Variants in ZFPM2 observed in about 807,000 individuals in gnomAD.
ZFPM2 encodes the protein zinc finger protein, FOG family member 2.
In ZFPM2, 20 loss-of-function variants were observed where a neutral mutation model predicts 98.6. The ratio of observed to expected loss-of-function variants is 0.20; its 90% CI spans 0.14 to 0.29. The LOEUF (loss-of-function observed/expected upper bound fraction) is 0.29. Among genes scored for constraint, ZFPM2 ranks in the 10% least tolerant of loss-of-function variants. The pLI is 1.00. For missense variants in ZFPM2, 1,310 were observed against 1,388.6 expected, an observed-to-expected ratio of 0.94 and a Z score of 0.90; for synonymous variants, 518 against 502.7, an observed-to-expected ratio of 1.03 and a Z score of -0.41.
rs567201664 is a variant in ZFPM2, at chr8:105,753,843, T to C, written c.533-34875T>C. The stretch of plus-strand genomic sequence containing the variant: ...ATTCATACAAAATAATTGCTGCTAG[T>C]TAAATGTGTCATTCTTTAAGTGAGG... On this transcript the variant is annotated intron_variant, in intron 5 of 7. Coordinates refer to ENST00000407775, the MANE Select transcript of ZFPM2 (RefSeq NM_012082.4). Among the ~76,000 whole-genome samples, 221 of 152,178 alleles carry C rather than the reference T, an allele frequency of 1.5e-3. 2 individuals are homozygous for C. The highest frequency in any genetic ancestry group is 2.7e-3 in the Non-Finnish European group (183 of 68,016).
intron 4 of ZFPM2, among the ~76,000 whole-genome samples, chr8:105,595,938 A>G (rs1284828930): frequency 2.6e-5 from 4 of 151,488 alleles, no homozygotes; most frequent in Admixed American, 6.6e-5. Context: ...TCTAAAATCT[A>G]TGTGTATTTC....
At chr8:105,545,312 G>A (rs1814671121) in intron 3 of ZFPM2, among the ~76,000 whole-genome samples, 1 of 152,048 alleles carries the variant, frequency 6.6e-6, no homozygotes, top group African/African-American at 2.4e-5. Flanking sequence ...TTTAATCATT[G>A]TTATTTGGTA....
chr8:105,730,226 A>T (rs1481549455), intron 5 of ZFPM2, among the ~76,000 whole-genome samples: 1 of 151,750 alleles, frequency 6.6e-6, no homozygotes, highest in East Asian at 2.0e-4. Context: ...ATAGGAGAAC[A>T]TGCAGTGTCC....
chr8:105,698,093 C>T (rs1463371837), intron 5 of ZFPM2, among the ~76,000 whole-genome samples: 4 of 152,180 alleles, frequency 2.6e-5, no homozygotes, highest in Non-Finnish European at 5.9e-5. Flanking sequence ...CCTAATTTTG[C>T]TCTATGCAAA....
Position 105,648,230 on chromosome 8 carries a change from C to A in ZFPM2, c.532+13873C>A, listed in dbSNP as rs575713768. On this transcript the variant is annotated intron_variant, in intron 5 of 7. Coordinates refer to ENST00000407775, the MANE Select transcript of ZFPM2 (RefSeq NM_012082.4). ...GCCCACTTTTTGATGGGGTTGTTTG[C>A]TTTTTTCTTGTAAATTTGTTTGAGT... Among the ~76,000 whole-genome samples the A allele has an allele frequency of 3.9e-5, 6 of 151,972 alleles. No individual in the cohort carries two copies. In the South Asian group the frequency reaches 8.3e-4, roughly 21 times the overall value.
intron 5 of ZFPM2, among the ~76,000 whole-genome samples, chr8:105,702,353 T>C (rs972937711): frequency 6.6e-5 from 10 of 152,304 alleles, no homozygotes; most frequent in Non-Finnish European, 1.5e-4. Context: ...TACAGGGAGA[T>C]TTATCTTGGG....
intron 5 of ZFPM2, among the ~76,000 whole-genome samples, chr8:105,743,290 G>T (rs987545283): frequency 6.6e-6 from 1 of 152,000 alleles, no homozygotes; most frequent in Admixed American, 6.6e-5. Context: ...GTGGAGAATG[G>T]GAGAGAGAAT....
chr8:105,784,541 G>A (rs981333478), intron 5 of ZFPM2, among the ~76,000 whole-genome samples: 1 of 145,790 alleles, frequency 6.9e-6, no homozygotes, highest in Non-Finnish European at 1.5e-5. Flanking sequence ...AAACCAAAAC[G>A]ATAATGGCTA....
rs751471582 is a variant in ZFPM2, at chr8:105,802,915, T to G, written c.2833T>G (p.Phe945Val). Residue 945 changes from phenylalanine to valine, a missense_variant, in exon 8 of 8, where the codon TTT becomes GTT. By Grantham distance (50) the Phe-to-Val change is conservative. Transcript: ENST00000407775. ...AGCAACCCTGCAAGGCTTGAAGGTC[T>G]TTAGTGAAGCTGCTCAGCTCATTGC... ...HLATLQGLKVFSEAAQLIATK... is the reference protein window; with the variant it reads ...HLATLQGLKVVSEAAQLIATK... 2.5e-6 allele frequency: 4 copies of G among 1,613,478 alleles called. No homozygotes were observed. Among genetic ancestry groups the G allele is most frequent in the Non-Finnish European group, 3.4e-6 (4 of 1,179,774 alleles).
intron 1 of ZFPM2, among the ~76,000 whole-genome samples, chr8:105,415,260 A>T (rs1281156775): frequency 6.6e-6 from 1 of 152,114 alleles, no homozygotes; most frequent in Non-Finnish European, 1.5e-5. Context: ...ATATAGCACC[A>T]GTGTGTTCAT....
chr8:105,347,635 G>A (rs1812563414), intron 1 of ZFPM2, among the ~76,000 whole-genome samples: 1 of 152,110 alleles, frequency 6.6e-6, no homozygotes, highest in Non-Finnish European at 1.5e-5. Flanking sequence ...GGTGGCATGT[G>A]ACATACCTTT....
At chr8:105,441,474 G>GA (rs369978729) in intron 2 of ZFPM2, among the ~76,000 whole-genome samples, 1,526 of 91,242 alleles carry the variant, frequency 0.017, 480 homozygotes, top group African/African-American at 0.055. Context: ...AAGAAAGAAA[G>GA]AAAGAAAGAA....
chr8:105,653,851 TATC>T (rs1160804906), intron 5 of ZFPM2, among the ~76,000 whole-genome samples: 2 of 127,642 alleles, frequency 1.6e-5, no homozygotes, highest in Admixed American at 8.9e-5. Context: ...GCTTGTGTGC[TATC>T]TTTTTTTTTT....
At chr8:105,722,147 G>A (rs1350065855) in intron 5 of ZFPM2, among the ~76,000 whole-genome samples, 17 of 151,606 alleles carry the variant, frequency 1.1e-4, no homozygotes, top group Non-Finnish European at 1.5e-5. Context: ...TGGTCCAGAT[G>A]TTACCAGATT....
At position 105,775,755 on chromosome 8, in the gene ZFPM2, G is replaced by A. The variant is rs1298325852; in HGVS notation, c.533-12963G>A. Among the ~76,000 whole-genome samples, 8 of 152,148 alleles carry A rather than the reference G, an allele frequency of 5.3e-5. No homozygotes were observed. In the East Asian group the frequency reaches 7.7e-4, roughly 15 times the overall value. On this transcript the variant is annotated intron_variant, in intron 5 of 7. Transcript: ENST00000407775. ...CAGATGGCTACCTCAGTGCCCCACC[G>A]CAAGTTTCCGCAAAGCACTCAGGGC...
chr8:105,572,792 T>C (rs773985158), intron 4 of ZFPM2, among the ~76,000 whole-genome samples: 3 of 152,318 alleles, frequency 2.0e-5, no homozygotes, highest in Non-Finnish European at 4.4e-5. Context: ...TTATTATTCA[T>C]TGACTCTTAC....
chr8:105,550,889 G>T (rs1193926504), intron 3 of ZFPM2, among the ~76,000 whole-genome samples: 1 of 152,152 alleles, frequency 6.6e-6, no homozygotes, highest in Admixed American at 6.5e-5. Flanking sequence ...CAAGGAGTCT[G>T]CTTTTGGGTA....
chr8:105,428,497 A>T (rs116016791), intron 2 of ZFPM2, among the ~76,000 whole-genome samples: 1 of 152,212 alleles, frequency 6.6e-6, no homozygotes, highest in Non-Finnish European at 1.5e-5. Context: ...TCAATAAGCT[A>T]CAGTTTCTCA....
intron 1 of ZFPM2, among the ~76,000 whole-genome samples, chr8:105,330,601 T>TATATATAC (rs1563606812): frequency 7.4e-5 from 2 of 27,196 alleles, no homozygotes; most frequent in African/African-American, 3.9e-4. Flanking sequence ...TATACATATA[T>TATATATAC]ATATATATAC....
Sources: allele counts gnomAD v4.1 joint callset (sites outside exome capture counted in the v4.1 genomes callset), GRCh38; gene constraint gnomAD v4.1.1; transcripts MANE v1.5; gene names NCBI Gene and HGNC (gene_info 2026-07-23, HGNC 2026-07-21).